The following TNFRSF6B variants were observed in gnomAD, a reference collection of about 807,000 sequenced individuals.
TNFRSF6B encodes TNF receptor superfamily member 6b.
A neutral mutation model predicts 17.9 loss-of-function variants in TNFRSF6B; 23 were observed. The observed-to-expected ratio is 1.28, with a 90% confidence interval of 0.92 to 1.82. The LOEUF (loss-of-function observed/expected upper bound fraction) is 1.82, where lower values mean the gene tolerates loss of function less well. TNFRSF6B is among the 40% of genes most tolerant of loss of function. TNFRSF6B has a pLI of 0.00. For synonymous variants in TNFRSF6B, 291 were observed against 195.8 expected (o/e 1.49, Z -4.06); for missense variants, 555 against 437.2 (o/e 1.27, Z -2.40).
chr20:63,698,652 T>G lies in TNFRSF6B; in HGVS notation c.*89T>G. 7.5e-7 allele frequency: 1 copy of G among 1,330,928 alleles called. No individual in the cohort carries two copies. The highest frequency in any genetic ancestry group is 9.8e-7 in the Non-Finnish European group (1 of 1,024,216). The allele number at this position is 1,330,928 out of a possible 1,614,324, so 82.4% of individuals were successfully genotyped here. ...TTTAAATAGAAGAAATGAGGTTTCT[T>G]AAAGCTTATTTTTATAAAGCTTTTT... On this transcript the variant is annotated 3_prime_UTR_variant, in exon 3 of 3. Coordinates refer to ENST00000369996, the MANE Select transcript of TNFRSF6B (RefSeq NM_003823.4).
chr20:63,697,267 G>C lies in TNFRSF6B; in HGVS notation c.425-61G>C, dbSNP rs558475484. The C allele has an allele frequency of 5.9e-5, 93 of 1,563,606 alleles. No homozygotes were observed. The African/African-American group carries it at 9.6e-4, about 16-fold the overall frequency. On this transcript the variant is annotated intron_variant, in intron 1 of 2. Coordinates refer to ENST00000369996, the MANE Select transcript of TNFRSF6B (RefSeq NM_003823.4). ...GGCAGGGGTCAGGTTGCTGGTCCCAGCCTTGCACCCTGAGCTAGGACACCA... is the reference window on the plus strand; with the variant it reads ...GGCAGGGGTCAGGTTGCTGGTCCCACCCTTGCACCCTGAGCTAGGACACCA...
At chr20:63,697,574 C>A in intron 2 of TNFRSF6B, 52 bp downstream of exon 2, 1 of 1,477,258 alleles carries the variant, frequency 6.8e-7, no homozygotes, top group Non-Finnish European at 9.0e-7. Flanking sequence ...CCCACTTGTG[C>A]CCTCACTCCT....
Position 63,698,547 on chromosome 20 carries a change from TCCTC to T in TNFRSF6B, c.891_894del (p.Pro298CysfsTer33). ...CTGGAGCGGAGCGTCCGTGAGCGCT[TCCTC>T]CCTGTGCACTGATCCTGGCCCCCTC... On this transcript the variant is annotated frameshift_variant, in exon 3 of 3. Coordinates refer to ENST00000369996, the MANE Select transcript of TNFRSF6B (RefSeq NM_003823.4). LOFTEE classifies it high-confidence loss of function. 6.5e-7 allele frequency: 1 copy of T among 1,536,284 alleles called. No individual in the cohort carries two copies. The highest frequency in any genetic ancestry group is 8.7e-7 in the Non-Finnish European group (1 of 1,152,062).
Position 63,697,238 on chromosome 20 carries a change from G to T in TNFRSF6B, c.424+47G>T, listed in dbSNP as rs899745024. On this transcript the variant is annotated intron_variant, in intron 1 of 2. Coordinates refer to ENST00000369996, the MANE Select transcript of TNFRSF6B (RefSeq NM_003823.4). ...GGGCCCCCAGGAGTGGTGGCCGGAG[G>T]TGTGGCAGGGGTCAGGTTGCTGGTC... is the stretch of plus-strand genomic sequence containing the variant. 2.6e-6 allele frequency: 4 copies of T among 1,552,234 alleles called. No individual in the cohort carries two copies. In the African/African-American group the frequency reaches 5.5e-5, roughly 21 times the overall value.
At chr20:63,698,162 A>C in intron 2 of TNFRSF6B, 118 bp from the exon 3 acceptor site, 1 of 1,323,166 alleles carries the variant, frequency 7.6e-7, no homozygotes, top group South Asian at 1.5e-5. Context: ...CTCACTGCAC[A>C]GGGATTTCTC....
Position 63,697,099 on chromosome 20 carries a change from G to A in TNFRSF6B, c.332G>A (p.Arg111His), listed in dbSNP as rs781481508. 10 of 1,598,342 alleles carry A rather than the reference G, an allele frequency of 6.3e-6. No homozygotes were observed. Among genetic ancestry groups the A allele is most frequent in the African/African-American group, 2.7e-5 (2 of 74,748 alleles). Residue 111 changes from arginine (R) to histidine (H), a missense_variant, in exon 1 of 3, where the codon CGT (arginine) becomes CAT (histidine). Physicochemically the swap from Arg to His is conservative, Grantham distance 29 (BLOSUM62 0). Coordinates refer to ENST00000369996, the MANE Select transcript of TNFRSF6B (RefSeq NM_003823.4). ...CGGGCTTGCCACGCCACCCACAACC[G>A]TGCCTGCCGCTGCCGCACCGGCTTC... ...EARACHATHNRACRCRTGFFA... is the reference protein window; with the variant it reads ...EARACHATHNHACRCRTGFFA...
Position 63,698,149 on chromosome 20 carries a change from C to T in TNFRSF6B, c.620-131C>T, listed in dbSNP as rs1037040204. On this transcript the variant is annotated intron_variant, in intron 2 of 2. Transcript: ENST00000369996. Reference sequence around the variant, plus strand: ...CATCGTTGCACTGCCCTCTCCAGCACGGCTCACTGCACAGGGATTTCTCTC... The same window carrying T: ...CATCGTTGCACTGCCCTCTCCAGCATGGCTCACTGCACAGGGATTTCTCTC... 7.0e-5 allele frequency: 85 copies of T among 1,206,524 alleles called. 1 individual carries two copies. The Admixed American group carries it at 7.3e-4, about 10-fold the overall frequency. 74.7% of individuals were successfully genotyped at this position (1,206,524 alleles called of 1,614,324 possible).
Position 63,698,300 on chromosome 20 carries a change from G to C in TNFRSF6B, c.640G>C (p.Ala214Pro), listed in dbSNP as rs749898916. The C allele has an allele frequency of 7.4e-6, 12 of 1,610,758 alleles. No individual in the cohort carries two copies. Among genetic ancestry groups the C allele is most frequent in the Non-Finnish European group, 1.7e-6 (2 of 1,179,226 alleles). ...RVPGAEECER[A>P]VIDFVAFQDI... ...TGCAGGAGCTGAGGAGTGTGAGCGTGCCGTCATCGACTTTGTGGCTTTCCA... is the reference window on the plus strand; with the variant it reads ...TGCAGGAGCTGAGGAGTGTGAGCGTCCCGTCATCGACTTTGTGGCTTTCCA... Residue 214 changes from alanine to proline, a missense_variant, in exon 3 of 3, where the codon GCC (alanine) becomes CCC (proline). Physicochemically the swap from Ala to Pro is conservative, Grantham distance 27. Coordinates refer to ENST00000369996, the MANE Select transcript of TNFRSF6B (RefSeq NM_003823.4).
intron 2 of TNFRSF6B, among the ~76,000 whole-genome samples, chr20:63,697,756 G>GAA (rs912322902): frequency 6.6e-6 from 1 of 152,286 alleles, no homozygotes; most frequent in African/African-American, 2.4e-5. Flanking sequence ...GGAGCTCTGG[G>GAA]AAAGTGGGCA....
At chr20:63,698,163 G>A in intron 2 of TNFRSF6B, 117 bp from the exon 3 acceptor site, 1 of 1,338,194 alleles carries the variant, frequency 7.5e-7, no homozygotes, top group Admixed American at 2.5e-5. Flanking sequence ...TCACTGCACA[G>A]GGATTTCTCT....
rs373053031 is a variant in TNFRSF6B, at chr20:63,697,046, C to T, written c.279C>T (p.Val93=). 64 of 1,607,404 alleles carry T rather than the reference C, an allele frequency of 4.0e-5. No individual in the cohort carries two copies. The highest frequency in any genetic ancestry group is 8.0e-5 in the African/African-American group (6 of 74,884). ...TAGAGCGCTGCCGCTACTGCAACGT[C>T]CTCTGCGGGGAGCGTGAGGAGGAGG... is the stretch of plus-strand genomic sequence containing the variant. The part of the protein sequence containing the change: ...NYLERCRYCN[V]LCGEREEEAR... Residue 93 remains valine (V), a synonymous_variant, in exon 1 of 3, where the codon GTC becomes GTT. Coordinates refer to ENST00000369996, the MANE Select transcript of TNFRSF6B (RefSeq NM_003823.4).
chr20:63,696,949 C>T lies in TNFRSF6B; in HGVS notation c.182C>T (p.Pro61Leu), dbSNP rs1415609067. ...QCPPGTFVQR[P>L]CRRDSPTTCG... ...CCCCCAGGCACCTTTGTGCAGCGGC[C>T]GTGCCGCCGAGACAGCCCCACGACG... The change falls in exon 1 of 3, where the codon CCG (proline) becomes CTG (leucine). Residue 61 changes from proline to leucine, a missense_variant. By Grantham distance (98) the Pro-to-Leu change is moderately conservative. Transcript: ENST00000369996. The T allele has an allele frequency of 6.2e-6, 10 of 1,605,340 alleles. No individual in the cohort carries two copies. The highest frequency in any genetic ancestry group is 3.3e-5 in the South Asian group (3 of 90,444).
At chr20:63,697,220 C>CA in intron 1 of TNFRSF6B, 29 bp downstream of exon 1, 1 of 1,552,236 alleles carries the variant, frequency 6.4e-7, no homozygotes, top group Non-Finnish European at 8.7e-7. Flanking sequence ...GAGGGGCCCC[C>CA]AGGAGTGGTG....
intron 2 of TNFRSF6B, among the ~76,000 whole-genome samples, 179 bp from the exon 3 acceptor site, chr20:63,698,101 G>A (rs1439592905): frequency 6.6e-6 from 1 of 151,998 alleles, no homozygotes; most frequent in Non-Finnish European, 1.5e-5. Flanking sequence ...CTGACCGAAG[G>A]CTCCTGCCCC....
rs1423727203 is a variant in TNFRSF6B at position 63,698,657 on chromosome 20, C to T, written c.*94C>T. 4.5e-6 allele frequency: 6 copies of T among 1,319,460 alleles called. No homozygotes were observed. The South Asian group carries it at 5.6e-5, about 12-fold the overall frequency. 81.7% of individuals were successfully genotyped at this position (1,319,460 alleles called of 1,614,324 possible). A position where few individuals can be genotyped will look rare whatever the true frequency, so the allele number is the denominator to read the frequency against. On this transcript the variant is annotated 3_prime_UTR_variant, in exon 3 of 3. Coordinates refer to ENST00000369996, the MANE Select transcript of TNFRSF6B (RefSeq NM_003823.4). Reference sequence around the variant, plus strand: ...ATAGAAGAAATGAGGTTTCTTAAAGCTTATTTTTATAAAGCTTTTTCATAA... The same window carrying T: ...ATAGAAGAAATGAGGTTTCTTAAAGTTTATTTTTATAAAGCTTTTTCATAA...
rs1267643866 is a variant in TNFRSF6B, at chr20:63,696,893, GAC to G, written c.128_129del (p.Thr43ArgfsTer56). The stretch of plus-strand genomic sequence containing the variant: ...CCACCTACCCCTGGCGGGACGCAGA[GAC>G]AGGGGAGCGGCTGGTGTGCGCCCAG... ...TPTYPWRDAE[T>X]GERLVCAQCP... On this transcript the variant is annotated frameshift_variant, in exon 1 of 3. Transcript: ENST00000369996. LOFTEE classifies it high-confidence loss of function. 6.2e-7 allele frequency: 1 copy of G among 1,611,808 alleles called. No homozygotes were observed. The highest frequency in any genetic ancestry group is 2.2e-5 in the East Asian group (1 of 44,862).
Position 63,698,503 on chromosome 20 carries a change from C to T in TNFRSF6B, c.843C>T (p.Arg281=), listed in dbSNP as rs1273925818. Reference sequence around the variant, plus strand: ...TGGTGCGGCTGCTGCAGGCGCTGCGCGTGGCCAGGATGCCCGGGCTGGAGC... The same window carrying T: ...TGGTGCGGCTGCTGCAGGCGCTGCGTGTGGCCAGGATGCCCGGGCTGGAGC... ...ALLVRLLQAL[R]VARMPGLERS... is the part of the protein sequence containing the mutation. The change falls in exon 3 of 3, where the codon CGC becomes CGT. Residue 281 remains arginine (R), a synonymous_variant. Coordinates refer to ENST00000369996, the MANE Select transcript of TNFRSF6B (RefSeq NM_003823.4). 19 of 1,547,162 alleles carry T rather than the reference C, an allele frequency of 1.2e-5. No individual in the cohort carries two copies. Among genetic ancestry groups the T allele is most frequent in the Middle Eastern group, 2.2e-4 (1 of 4,482 alleles).
At position 63,696,715 on chromosome 20, in the gene TNFRSF6B, A is replaced by G. The variant is rs779169406; in HGVS notation, c.-53A>G. The G allele has an allele frequency of 2.0e-6, 3 of 1,469,730 alleles. No homozygotes were observed. The highest frequency in any genetic ancestry group is 2.7e-6 in the Non-Finnish European group (3 of 1,110,550). The allele number at this position is 1,469,730 out of a possible 1,614,324, so 91.0% of individuals were successfully genotyped here. ...AGGAGGTGGCATGTCGGTCAGGCAC[A>G]GCAGGGTCCTGTGTCCGCGCTGAGC... On this transcript the variant is annotated 5_prime_UTR_variant, in exon 1 of 3. Transcript: ENST00000369996.
At chr20:63,697,813 C>T (rs74748720) in intron 2 of TNFRSF6B, among the ~76,000 whole-genome samples, 4,638 of 152,134 alleles carry the variant, frequency 0.03, 78 homozygotes, top group Non-Finnish European at 0.037. Flanking sequence ...TCCTCTGACA[C>T]GGGGAAACCG....
Sources: gnomAD v4.1 joint callset for allele counts (sites outside exome capture counted in the v4.1 genomes callset) on GRCh38, gnomAD v4.1.1 for gene constraint, MANE v1.5 for transcripts, NCBI Gene and HGNC (gene_info 2026-07-23, HGNC 2026-07-21) for gene names.